Variants in CPAMD8 observed in about 807,000 individuals in gnomAD.
CPAMD8 encodes the protein C3 and PZP-like alpha-2-macroglobulin domain-containing protein 8.
A neutral mutation model predicts 224.7 loss-of-function variants in CPAMD8; 146 were observed. The observed-to-expected ratio is 0.65, with a 90% CI of 0.57 to 0.75. CPAMD8 has a LOEUF of 0.75. Among genes scored for constraint, CPAMD8 ranks in the 30% least tolerant of loss-of-function variants. The pLI is 0.00. For synonymous variants in CPAMD8, 966 were observed against 1,044.6 expected (o/e 0.92, Z 1.45); for missense variants, 2,301 against 2,537.5 (o/e 0.91, Z 2.00).
intron 17 of CPAMD8, among the ~76,000 whole-genome samples, chr19:16,973,669 A>C (rs2055144417): frequency 1.3e-5 from 2 of 151,720 alleles, no homozygotes; most frequent in Non-Finnish European, 2.9e-5. Context: ...TTTAAAGCTG[A>C]AATGAAAGGC....
Position 16,897,874 on chromosome 19 carries a change from G to A in CPAMD8, c.4954+15C>T, listed in dbSNP as rs1217577498. On this transcript the variant is annotated intron_variant, in intron 38 of 41. Coordinates refer to ENST00000443236, the MANE Select transcript of CPAMD8 (RefSeq NM_015692.5). Reference sequence around the variant, plus strand: ...GGGACCGGGCCGGGCCGGGGGTGCGGGCGCGCGGGCCTACCGGGTTCGTAG... The same window carrying A: ...GGGACCGGGCCGGGCCGGGGGTGCGAGCGCGCGGGCCTACCGGGTTCGTAG... 1 of 1,597,434 alleles carries A rather than the reference G, an allele frequency of 6.3e-7. No homozygotes were observed. The highest frequency in any genetic ancestry group is 8.5e-7 in the Non-Finnish European group (1 of 1,172,750).
chr19:16,942,026 C>T (rs961958912), intron 22 of CPAMD8, among the ~76,000 whole-genome samples: 3 of 152,016 alleles, frequency 2.0e-5, no homozygotes, highest in African/African-American at 7.2e-5. Context: ...CCCTTCCCTC[C>T]TCCTCCTGCT....
intron 11 of CPAMD8, 21 bp from the exon 12 acceptor site, chr19:16,993,607 C>T (rs1348918792): frequency 6.2e-7 from 1 of 1,612,294 alleles, no homozygotes; most frequent in Non-Finnish European, 8.5e-7. Flanking sequence ...TCACCCAAGA[C>T]ACAACAGAGT....
chr19:17,004,974 G>C (rs1214200793), intron 7 of CPAMD8, among the ~76,000 whole-genome samples: 1 of 148,908 alleles, frequency 6.7e-6, no homozygotes, highest in African/African-American at 2.5e-5. Flanking sequence ...CAGAGAGAGA[G>C]AGAGAGAGAA....
intron 5 of CPAMD8, 86 bp from the exon 6 acceptor site, chr19:17,009,406 G>C (rs183284203): frequency 4.4e-6 from 7 of 1,606,894 alleles, no homozygotes; most frequent in East Asian, 2.2e-5. Context: ...CTCGGTCCCC[G>C]GGACAGGCAG....
At position 16,973,300 on chromosome 19, in the gene CPAMD8, A is replaced by G. The variant is rs191928509; in HGVS notation, c.2070+1797T>C. ...CTTTTCTGCATGTTTGGAAATTTTC[A>G]TCATAAAAGCAACACAGGTTGGGGA... On this transcript the variant is annotated intron_variant, in intron 17 of 41. Transcript: ENST00000443236. Among the ~76,000 whole-genome samples, 18 of 152,292 alleles carry G rather than the reference A, an allele frequency of 1.2e-4. No homozygotes were observed. In the East Asian group the frequency reaches 3.1e-3, roughly 26 times the overall value.
chr19:16,927,995 T>C lies in CPAMD8; in HGVS notation c.3370+14A>G. On this transcript the variant is annotated intron_variant, in intron 25 of 41. Transcript: ENST00000443236. ...CCCCTGACCTCTCCAAGCCAGGCTGTGGGACAGACGCACCGATGATGGAGG... is the reference window on the plus strand; with the variant it reads ...CCCCTGACCTCTCCAAGCCAGGCTGCGGGACAGACGCACCGATGATGGAGG... 1 of 1,591,948 alleles carries C rather than the reference T, an allele frequency of 6.3e-7. No individual in the cohort carries two copies. The highest frequency in any genetic ancestry group is 8.6e-7 in the Non-Finnish European group (1 of 1,160,008).
chr19:16,945,768 C>A (rs1329115854), intron 21 of CPAMD8, 89 bp from the exon 22 acceptor site: 2 of 1,177,046 alleles, frequency 1.7e-6, no homozygotes, highest in Middle Eastern at 1.9e-4. Flanking sequence ...GATGTGTGTG[C>A]ATGCATGCAT....
chr19:16,948,814 A>T (rs2054190892), intron 20 of CPAMD8, among the ~76,000 whole-genome samples: 1 of 122,358 alleles, frequency 8.2e-6, no homozygotes, highest in East Asian at 2.9e-4. Flanking sequence ...AGGGGAAGAG[A>T]GGGGAAGGGA....
At chr19:16,946,852 G>C (rs970526330) in intron 21 of CPAMD8, among the ~76,000 whole-genome samples, 1 of 152,112 alleles carries the variant, frequency 6.6e-6, no homozygotes, top group African/African-American at 2.4e-5. Context: ...GGCACCTTAA[G>C]AGCCCAGCTC....
chr19:16,929,333 A>G (rs1298145025), intron 23 of CPAMD8, 93 bp from the exon 24 acceptor site: 2 of 1,024,294 alleles, frequency 2.0e-6, no homozygotes, highest in Non-Finnish European at 2.9e-6. Context: ...CAGGACCACA[A>G]GGAGTGGGTC....
At chr19:17,007,502 A>C (rs1197659047) in intron 7 of CPAMD8, among the ~76,000 whole-genome samples, 1 of 152,008 alleles carries the variant, frequency 6.6e-6, no homozygotes, top group African/African-American at 2.4e-5. Flanking sequence ...GAAGAGAAGG[A>C]GAAGAAGAAA....
intron 39 of CPAMD8, 93 bp from the exon 40 acceptor site, chr19:16,896,758 C>G: frequency 2.2e-6 from 2 of 893,706 alleles, no homozygotes; most frequent in Non-Finnish European, 3.1e-6. Flanking sequence ...CCCTGGGTCC[C>G]GGGCCCACTA....
chr19:16,970,456 A>G (rs1397188933), intron 18 of CPAMD8, among the ~76,000 whole-genome samples: 5 of 149,846 alleles, frequency 3.3e-5, no homozygotes, highest in African/African-American at 1.2e-4. Context: ...GCATGGTGGC[A>G]TGCCTGTAAT....
At chr19:16,919,448 T>C (rs903091442) in intron 27 of CPAMD8, among the ~76,000 whole-genome samples, 1 of 152,188 alleles carries the variant, frequency 6.6e-6, no homozygotes, top group Non-Finnish European at 1.5e-5. Context: ...GAAACAAATC[T>C]TCCAGCCCCA....
At chr19:17,008,728 G>A (rs1165478884) in intron 6 of CPAMD8, 169 bp from the exon 7 acceptor site, 1 of 794,206 alleles carries the variant, frequency 1.3e-6, no homozygotes, top group Non-Finnish European at 2.2e-6. Flanking sequence ...GGATAGAGAA[G>A]GATTTGAAAA....
At chr19:16,957,680 G>A (rs564658130) in intron 19 of CPAMD8, 173 bp downstream of exon 19, 32 of 660,404 alleles carry the variant, frequency 4.8e-5, no homozygotes, top group Admixed American at 1.2e-4. Flanking sequence ...AATGTGCAGC[G>A]GGACTCAAGG....
rs187160501 is a variant in CPAMD8 at position 17,019,715 on chromosome 19, C to T, written c.267+616G>A. ...TGAGAACAGGCGTGAACCACCATGCCTAGCTAATGGATAATTTTTGTATTT... is the reference window on the plus strand; with the variant it reads ...TGAGAACAGGCGTGAACCACCATGCTTAGCTAATGGATAATTTTTGTATTT... On this transcript the variant is annotated intron_variant, in intron 3 of 41. Coordinates refer to ENST00000443236, the MANE Select transcript of CPAMD8 (RefSeq NM_015692.5). Among the ~76,000 whole-genome samples, 1,132 of 144,962 alleles carry T rather than the reference C, an allele frequency of 7.8e-3. 25 individuals carry two copies. Among genetic ancestry groups the T allele is most frequent in the Non-Finnish European group, 5.8e-3 (388 of 66,536 alleles).
In CPAMD8 at chr19:16,896,190, C is replaced by T; in HGVS notation, c.5412G>A (p.Gly1804=). 6 of 1,613,814 alleles carry T rather than the reference C, an allele frequency of 3.7e-6. No individual in the cohort carries two copies. Among genetic ancestry groups the T allele is most frequent in the Non-Finnish European group, 4.2e-6 (5 of 1,179,980 alleles). ...EVEDSDPEPE[G]EAEDRVTAGP... ...CCAGCTGTTACCTGTCCTCCGCCTC[C>T]CCTTCAGGCTCAGGGTCTGAGTCCT... Residue 1804 remains glycine (G), a synonymous_variant, in exon 41 of 42, where the codon GGG becomes GGA. Coordinates refer to ENST00000443236, the MANE Select transcript of CPAMD8 (RefSeq NM_015692.5).
Sources: gnomAD v4.1 joint callset for allele counts (sites outside exome capture counted in the v4.1 genomes callset) on GRCh38, gnomAD v4.1.1 for gene constraint, MANE v1.5 for transcripts, NCBI Gene and HGNC (gene_info 2026-07-23, HGNC 2026-07-21) for gene names.